ZFPM2: variants seen among roughly 807,000 people sequenced by gnomAD.
ZFPM2 encodes zinc finger protein ZFPM2.
ZFPM2 carries 20 observed loss-of-function variants against 98.6 expected under a neutral mutation model. The observed-to-expected ratio is 0.20, with a 90% confidence interval of 0.14 to 0.29. The LOEUF (loss-of-function observed/expected upper bound fraction) is 0.29, where lower values mean the gene tolerates loss of function less well. Ranked by LOEUF, ZFPM2 falls within the 10% of genes least tolerant of loss-of-function variation. ZFPM2 has a pLI of 1.00. For synonymous variants in ZFPM2, 518 were observed against 502.7 expected (o/e 1.03, Z -0.41); for missense variants, 1,310 against 1,388.6 (o/e 0.94, Z 0.90).
chr8:105,608,787 A>G (rs1048121770), intron 4 of ZFPM2, among the ~76,000 whole-genome samples: 7 of 152,120 alleles, frequency 4.6e-5, no homozygotes, highest in Non-Finnish European at 7.4e-5. Flanking sequence ...AGCTGACAAT[A>G]TAGATTTGAG....
chr8:105,643,352 G>A (rs948095724), intron 5 of ZFPM2, among the ~76,000 whole-genome samples: 4 of 152,002 alleles, frequency 2.6e-5, no homozygotes, highest in Non-Finnish European at 5.9e-5. Flanking sequence ...CTTACTTCCA[G>A]GTTACCCAAT....
At chr8:105,330,611 C>CAT (rs1431850180) in intron 1 of ZFPM2, among the ~76,000 whole-genome samples, 4 of 76,162 alleles carry the variant, frequency 5.3e-5, no homozygotes, top group Admixed American at 3.7e-4. Flanking sequence ...TATATATATA[C>CAT]ACATATATAT....
chr8:105,640,496 T>C (rs6989566), intron 5 of ZFPM2, among the ~76,000 whole-genome samples: 19,416 of 152,002 alleles, frequency 0.13, 1,279 homozygotes, highest in South Asian at 0.21. Flanking sequence ...AAGGTTCTTA[T>C]GAATTTAAGC....
intron 5 of ZFPM2, among the ~76,000 whole-genome samples, chr8:105,755,640 A>G (rs1176514155): frequency 6.6e-6 from 1 of 152,138 alleles, no homozygotes; most frequent in East Asian, 1.9e-4. Context: ...ACAACTATAT[A>G]CTCTAATGTA....
intron 6 of ZFPM2, among the ~76,000 whole-genome samples, chr8:105,793,269 A>G (rs1294414993): frequency 6.6e-6 from 1 of 151,848 alleles, no homozygotes; most frequent in Non-Finnish European, 1.5e-5. Context: ...GAGCTGTTTT[A>G]GGGCAGGCCT....
chr8:105,432,234 A>G (rs1812035399), intron 2 of ZFPM2, among the ~76,000 whole-genome samples: 1 of 152,182 alleles, frequency 6.6e-6, no homozygotes, highest in South Asian at 2.1e-4. Flanking sequence ...AGAAAATGGA[A>G]GAGGAAGATA....
At chr8:105,493,402 C>A (rs142345637) in intron 3 of ZFPM2, among the ~76,000 whole-genome samples, 2 of 152,214 alleles carry the variant, frequency 1.3e-5, no homozygotes, top group East Asian at 1.9e-4. Flanking sequence ...CAGACTAAAC[C>A]CTTGAAGAAA....
intron 3 of ZFPM2, among the ~76,000 whole-genome samples, chr8:105,534,109 T>TCCTTCCTCCCTCCCTTCCTC (rs1250920494): frequency 1.6e-3 from 47 of 29,200 alleles, no homozygotes; most frequent in African/African-American, 3.9e-3. Context: ...CTTCCTCCCT[T>TCCTTCCTCCCTCCCTTCCTC]CCTTCCTCCC....
At chr8:105,362,414 C>T (rs139158077) in intron 1 of ZFPM2, among the ~76,000 whole-genome samples, 9 of 152,050 alleles carry the variant, frequency 5.9e-5, no homozygotes, top group Admixed American at 2.0e-4. Flanking sequence ...TTATGTCTGA[C>T]GCCTACTGAA....
At chr8:105,574,346 T>A (rs1815417814) in intron 4 of ZFPM2, among the ~76,000 whole-genome samples, 3 of 152,212 alleles carry the variant, frequency 2.0e-5, no homozygotes, top group Admixed American at 1.3e-4. Context: ...AAAGAAAGGT[T>A]AAGTGGTCAA....
At chr8:105,476,533 CT>C (rs1293434940) in intron 3 of ZFPM2, among the ~76,000 whole-genome samples, 2 of 152,132 alleles carry the variant, frequency 1.3e-5, no homozygotes, top group African/African-American at 2.4e-5. Context: ...TTGGGGACCC[CT>C]GCTCTAGAGG....
chr8:105,608,581 T>G (rs1173266487), intron 4 of ZFPM2, among the ~76,000 whole-genome samples: 2 of 57,278 alleles, frequency 3.5e-5, no homozygotes, highest in East Asian at 3.2e-4. Context: ...ACACCAAGAG[T>G]TTTTTTTTTT....
At chr8:105,749,483 T>A (rs1812427539) in intron 5 of ZFPM2, among the ~76,000 whole-genome samples, 1 of 152,040 alleles carries the variant, frequency 6.6e-6, no homozygotes, top group Non-Finnish European at 1.5e-5. Context: ...CAAACTCCCT[T>A]TGATTCTTTT....
chr8:105,788,642 A>T, intron 5 of ZFPM2, 76 bp from the exon 6 acceptor site: 1 of 1,387,602 alleles, frequency 7.2e-7, no homozygotes, highest in Non-Finnish European at 1.0e-6. Flanking sequence ...AGAAGGTGCT[A>T]TGGACATCAA....
intron 1 of ZFPM2, among the ~76,000 whole-genome samples, chr8:105,386,690 T>A (rs908907255): frequency 5.3e-5 from 8 of 152,152 alleles, no homozygotes; most frequent in African/African-American, 1.9e-4. Flanking sequence ...CCCAGCAGGT[T>A]GCCACTGCTG....
chr8:105,767,048 C>G (rs1387156013), intron 5 of ZFPM2, among the ~76,000 whole-genome samples: 6 of 151,908 alleles, frequency 3.9e-5, no homozygotes, highest in African/African-American at 1.4e-4. Flanking sequence ...AACAGAGTAA[C>G]TATCTACAGG....
intron 4 of ZFPM2, among the ~76,000 whole-genome samples, chr8:105,601,196 G>C (rs1816084545): frequency 6.6e-6 from 1 of 152,098 alleles, no homozygotes; most frequent in South Asian, 2.1e-4. Flanking sequence ...ATAATAGCCA[G>C]CAGTCTTTTT....
Position 105,369,779 on chromosome 8 carries a change from C to CATACTA in ZFPM2, c.41-49365_41-49364insATACTA, listed in dbSNP as rs1810582488. On this transcript the variant is annotated intron_variant, in intron 1 of 7. Coordinates refer to ENST00000407775, the MANE Select transcript of ZFPM2 (RefSeq NM_012082.4). ...TTTCTTTTTTTCTTTCTGGAAAGGA[C>CATACTA]CTATACTATGTAGTTTATGTAAACT... 8.6e-5 allele frequency among the ~76,000 whole-genome samples: 13 copies of CATACTA among 151,908 alleles called. No homozygotes were observed. The South Asian group carries it at 2.5e-3, about 29-fold the overall frequency.
At chr8:105,643,788 TCTTTA>T (rs1816989059) in intron 5 of ZFPM2, among the ~76,000 whole-genome samples, 1 of 152,188 alleles carries the variant, frequency 6.6e-6, no homozygotes, top group Non-Finnish European at 1.5e-5. Flanking sequence ...TTAAATAATG[TCTTTA>T]CTTCTTGTTT....
Sources: gnomAD v4.1 joint callset for allele counts (sites outside exome capture counted in the v4.1 genomes callset) on GRCh38, gnomAD v4.1.1 for gene constraint, MANE v1.5 for transcripts, NCBI Gene and HGNC (gene_info 2026-07-23, HGNC 2026-07-21) for gene names.